SHISA6: variants seen among roughly 807,000 people sequenced by gnomAD.
SHISA6 encodes protein shisa-6.
In SHISA6, 22 loss-of-function variants were observed where a neutral mutation model predicts 47.9. The observed-to-expected ratio is 0.46, with a 90% CI of 0.33 to 0.66. SHISA6 has a LOEUF of 0.66. Among genes scored for constraint, SHISA6 ranks in the 30% least tolerant of loss-of-function variants. SHISA6 has a pLI of 0.02. For synonymous variants in SHISA6, 388 were observed against 337.8 expected (o/e 1.15, Z -1.63); for missense variants, 680 against 764.6 (o/e 0.89, Z 1.30).
At chr17:11,511,032 G>T (rs1254126279) in intron 3 of SHISA6, among the ~76,000 whole-genome samples, 2 of 152,142 alleles carry the variant, frequency 1.3e-5, no homozygotes, top group African/African-American at 4.8e-5. Context: ...TCATAAATTT[G>T]TGACTATGAA....
chr17:11,410,619 A>G (rs1277204324), intron 3 of SHISA6, among the ~76,000 whole-genome samples: 1 of 112,984 alleles, frequency 8.9e-6, no homozygotes, highest in African/African-American at 3.3e-5. Context: ...TAGTGTCACT[A>G]TGGATATTGG....
chr17:11,241,413 C>T lies in SHISA6; in HGVS notation c.-10C>T, dbSNP rs756558461. The T allele has an allele frequency of 8.8e-7, 1 of 1,135,436 alleles. No individual in the cohort carries two copies. Among genetic ancestry groups the T allele is most frequent in the South Asian group, 2.3e-5 (1 of 44,044 alleles). The allele number at this position is 1,135,436 out of a possible 1,614,324, so 70.3% of individuals were successfully genotyped here. ...GGAAGCCTCCCCGCGCCCTCCCGCC[C>T]GGCCCCGCCATGGCGCTGCGGCGCC... On this transcript the variant is annotated 5_prime_UTR_variant, in exon 1 of 6. Coordinates refer to ENST00000441885, the MANE Select transcript of SHISA6 (RefSeq NM_207386.4). The surrounding 1 kb of genome is among the most constrained non-coding windows in gnomAD (Gnocchi z 5.5).
At chr17:11,271,601 C>CTTTTTTTTTTT (rs770845288) in intron 2 of SHISA6, among the ~76,000 whole-genome samples, 4 of 99,690 alleles carry the variant, frequency 4.0e-5, no homozygotes, top group African/African-American at 1.8e-4. Context: ...CCACGCCTGG[C>CTTTTTTTTTTT]TTTTTTTTTT....
At chr17:11,290,896 C>G (rs959938204) in intron 2 of SHISA6, 2 of 151,930 alleles carry the variant, frequency 1.3e-5, no homozygotes, top group Admixed American at 1.3e-4. Flanking sequence ...TTCTCATCCC[C>G]CATGCTCTTC....
intron 3 of SHISA6, among the ~76,000 whole-genome samples, chr17:11,413,256 C>T (rs548986135): frequency 5.6e-4 from 85 of 152,272 alleles, no homozygotes; most frequent in Non-Finnish European, 9.0e-4. Context: ...TACGTCATTT[C>T]GTGTCAGGGT....
intron 2 of SHISA6, among the ~76,000 whole-genome samples, chr17:11,274,810 C>T (rs916235772): frequency 6.6e-6 from 1 of 152,106 alleles, no homozygotes; most frequent in Non-Finnish European, 1.5e-5. Context: ...TACAGGTGCC[C>T]CTCCAGAATT....
rs528974743 is a variant in SHISA6 at position 11,561,784 on chromosome 17, C to T, written c.*3480C>T. 6.6e-6 allele frequency: 1 copy of T among 152,286 alleles called. No individual in the cohort carries two copies. Among genetic ancestry groups the T allele is most frequent in the African/African-American group, 2.4e-5 (1 of 41,554 alleles). 9.4% of individuals were successfully genotyped at this position (152,286 alleles called of 1,614,324 possible). On this transcript the variant is annotated 3_prime_UTR_variant, in exon 6 of 6. Coordinates refer to ENST00000441885, the MANE Select transcript of SHISA6 (RefSeq NM_207386.4). ...TGCTATAATCTCCAGCTCTAAAAAT[C>T]AGAGCTCTCAATGAAAACAATGGAA...
chr17:11,310,385 C>T (rs959491346), intron 2 of SHISA6, among the ~76,000 whole-genome samples: 1 of 152,064 alleles, frequency 6.6e-6, no homozygotes, highest in Non-Finnish European at 1.5e-5. Context: ...GGAAATAATG[C>T]AGGTTAGGGG....
chr17:11,303,384 AGT>A (rs1208826041), intron 2 of SHISA6, among the ~76,000 whole-genome samples: 2 of 145,924 alleles, frequency 1.4e-5, no homozygotes, highest in Admixed American at 1.4e-4. Flanking sequence ...CATGATTCTG[AGT>A]GTGGTTGTGT....
chr17:11,256,993 C>T (rs2321579), intron 1 of SHISA6, among the ~76,000 whole-genome samples: 149,472 of 152,274 alleles, frequency 0.98, 73,408 homozygotes, highest in East Asian at 1. Context: ...AGTCCTGCGA[C>T]GTTTATTGGC....
chr17:11,551,770 C>T lies in SHISA6; in HGVS notation c.896-126C>T, dbSNP rs549659364. ...TTGGAGCCTCATACAATGACCTCTG[C>T]CTTTCTTAGAAGTGCTTCCTTTAAG... is the stretch of plus-strand genomic sequence containing the variant. On this transcript the variant is annotated intron_variant, in intron 3 of 5. Transcript: ENST00000441885. 5.1e-5 allele frequency: 40 copies of T among 787,288 alleles called. No homozygotes were observed. The South Asian group carries it at 6.2e-4, about 12-fold the overall frequency. The allele number at this position is 787,288 out of a possible 1,614,324, so 48.8% of individuals were successfully genotyped here.
intron 3 of SHISA6, among the ~76,000 whole-genome samples, chr17:11,504,744 C>T (rs1261920779): frequency 6.6e-6 from 1 of 151,820 alleles, no homozygotes; most frequent in Non-Finnish European, 1.5e-5. Flanking sequence ...AGGGGAAGGA[C>T]ACACACTCCC....
chr17:11,293,209 T>A (rs1202478921), intron 2 of SHISA6, among the ~76,000 whole-genome samples: 1 of 152,150 alleles, frequency 6.6e-6, no homozygotes, highest in Non-Finnish European at 1.5e-5. Flanking sequence ...ATTCTAAAGA[T>A]GGCCAATATG....
At chr17:11,520,686 C>CTAA (rs2071622428) in intron 3 of SHISA6, among the ~76,000 whole-genome samples, 1 of 152,108 alleles carries the variant, frequency 6.6e-6, no homozygotes, top group Non-Finnish European at 1.5e-5. Context: ...GCACACATTT[C>CTAA]CCTCTCTCGC....
intron 3 of SHISA6, among the ~76,000 whole-genome samples, chr17:11,413,781 C>A (rs1349811333): frequency 1.3e-5 from 2 of 152,156 alleles, no homozygotes; most frequent in Admixed American, 1.3e-4. Context: ...AGAACTGGAA[C>A]ATTGCGTTGC....
chr17:11,406,857 G>T (rs1187760896), intron 3 of SHISA6, among the ~76,000 whole-genome samples: 1 of 152,064 alleles, frequency 6.6e-6, no homozygotes, highest in East Asian at 1.9e-4. Flanking sequence ...GAGTATAATT[G>T]GAATATCCAG....
At chr17:11,441,013 G>A (rs1915080064) in intron 3 of SHISA6, among the ~76,000 whole-genome samples, 1 of 151,724 alleles carries the variant, frequency 6.6e-6, no homozygotes. Context: ...AGAGAGGAAG[G>A]AAGGAAGAAG....
intron 3 of SHISA6, among the ~76,000 whole-genome samples, chr17:11,505,401 A>T (rs919922360): frequency 3.3e-5 from 5 of 152,182 alleles, no homozygotes; most frequent in African/African-American, 1.2e-4. Flanking sequence ...ATGGAGTGGG[A>T]TGTAGCTGTG....
At chr17:11,300,261 C>T (rs1380152163) in intron 2 of SHISA6, among the ~76,000 whole-genome samples, 2 of 152,104 alleles carry the variant, frequency 1.3e-5, no homozygotes, top group African/African-American at 4.8e-5. Context: ...CTGTTTACCA[C>T]AATACCCGAA....
Sources: gnomAD v4.1 joint callset for allele counts (sites outside exome capture counted in the v4.1 genomes callset) on GRCh38, gnomAD v4.1.1 for gene constraint, Gnocchi (gnomAD v3.1) non-coding constraint, MANE v1.5 for transcripts, NCBI Gene and HGNC (gene_info 2026-07-23, HGNC 2026-07-21) for gene names.